The following AOPEP variants were observed in gnomAD, a reference collection of about 807,000 sequenced individuals.
The protein encoded by AOPEP is aminopeptidase O.
AOPEP carries 77 observed loss-of-function variants against 98.1 expected under a neutral mutation model. The ratio of observed to expected loss-of-function variants is 0.78; its 90% CI spans 0.65 to 0.95. The LOEUF (loss-of-function observed/expected upper bound fraction) is 0.95. Among genes scored for constraint, AOPEP ranks in the 40% least tolerant of loss-of-function variants. The pLI, the probability that AOPEP is intolerant of heterozygous loss-of-function variation, is 0.00. For missense variants in AOPEP, 1,024 were observed against 1,024.7 expected (o/e 1.00, Z 0.01); for synonymous variants, 346 against 365.3 (o/e 0.95, Z 0.60).
chr9:94,797,105 G>A (rs1303920628), intron 4 of AOPEP, among the ~76,000 whole-genome samples: 4 of 152,136 alleles, frequency 2.6e-5, no homozygotes, highest in Non-Finnish European at 5.9e-5. Context: ...TCTTTGAGTC[G>A]GTGCTGAATC....
At chr9:95,063,224 AG>A (rs2067487464) in intron 14 of AOPEP, among the ~76,000 whole-genome samples, 1 of 152,240 alleles carries the variant, frequency 6.6e-6, no homozygotes, top group Admixed American at 6.5e-5. Context: ...TATATTTGAC[AG>A]CTAACTCTGG....
chr9:94,747,472 T>G (rs570277771), intron 1 of AOPEP, among the ~76,000 whole-genome samples: 5 of 152,270 alleles, frequency 3.3e-5, no homozygotes, highest in African/African-American at 7.2e-5. Context: ...ACTTGTACAG[T>G]TAGAACATAT....
At chr9:95,087,998 C>G (rs148876344), downstream of AOPEP, among the ~76,000 whole-genome samples, 232 of 152,274 alleles carry the variant, frequency 1.5e-3, 2 homozygotes, top group African/African-American at 5.3e-3. Flanking sequence ...CTCCAGAACT[C>G]TCTTTTCTTG....
chr9:95,117,337 C>A, the AOPEP span: 1 of 1,614,090 alleles, frequency 6.2e-7, no homozygotes, highest in Non-Finnish European at 8.5e-7. Flanking sequence ...GCAGCAGCAC[C>A]ATGGCAAGAG....
intron 5 of AOPEP, among the ~76,000 whole-genome samples, chr9:94,820,224 G>C (rs1852743526): frequency 6.6e-6 from 1 of 152,114 alleles, no homozygotes; most frequent in Admixed American, 6.5e-5. Flanking sequence ...GGGATTACAG[G>C]TGTGAGCCAC....
chr9:94,750,653 A>T (rs558054459), intron 1 of AOPEP, among the ~76,000 whole-genome samples: 1 of 152,218 alleles, frequency 6.6e-6, no homozygotes, highest in African/African-American at 2.4e-5. Flanking sequence ...ATTTATGCTT[A>T]GCGTTCCATT....
rs193213526 is a variant in AOPEP, at chr9:94,912,742, G to A, written c.1365-11244G>A. ...AAGGGATCGTTGTTGCTGGCACAGCGCGTTTCTTCCATGTTAAACACGAAC... is the reference window on the plus strand; with the variant it reads ...AAGGGATCGTTGTTGCTGGCACAGCACGTTTCTTCCATGTTAAACACGAAC... On this transcript the variant is annotated intron_variant, in intron 5 of 16. Transcript: ENST00000375315. Among the ~76,000 whole-genome samples the A allele has an allele frequency of 3.0e-3, 461 of 152,318 alleles. 3 individuals carry two copies. The highest frequency in any genetic ancestry group is 4.0e-3 in the Non-Finnish European group (274 of 68,036).
At chr9:95,080,531 T>TA (rs1180103266) in intron 14 of AOPEP, among the ~76,000 whole-genome samples, 163 bp from the exon 15 acceptor site, 5 of 151,706 alleles carry the variant, frequency 3.3e-5, no homozygotes, top group Admixed American at 6.6e-5. Context: ...AAATAAAAAG[T>TA]AAAAAAAATA....
chr9:94,775,873 C>T (rs1428556988), intron 3 of AOPEP, among the ~76,000 whole-genome samples: 1 of 152,038 alleles, frequency 6.6e-6, no homozygotes, highest in Non-Finnish European at 1.5e-5. Context: ...GTAATCCCAG[C>T]TACTCGGGAG....
chr9:94,803,999 A>C (rs1371158312), intron 5 of AOPEP, among the ~76,000 whole-genome samples: 1 of 152,244 alleles, frequency 6.6e-6, no homozygotes, highest in Non-Finnish European at 1.5e-5. Context: ...TTTAAAATGC[A>C]TCTCTGAAGT....
intron 7 of AOPEP, among the ~76,000 whole-genome samples, chr9:94,949,389 C>T (rs1024875583): frequency 5.9e-5 from 9 of 152,194 alleles, no homozygotes; most frequent in East Asian, 1.9e-4. Context: ...CGACCCGGGA[C>T]GCTGAGACTT....
At chr9:94,752,873 G>T (rs1836152346) in intron 1 of AOPEP, among the ~76,000 whole-genome samples, 1 of 152,146 alleles carries the variant, frequency 6.6e-6, no homozygotes, top group African/African-American at 2.4e-5. Flanking sequence ...TTGAGGCTCG[G>T]TCAGAAAAGG....
intron 2 of AOPEP, among the ~76,000 whole-genome samples, chr9:94,762,584 T>C (rs765532529): frequency 2.0e-5 from 3 of 152,242 alleles, no homozygotes; most frequent in Non-Finnish European, 2.9e-5. Context: ...TTAAACTGTA[T>C]CCTTGGAAGT....
rs575927080 is a variant in AOPEP at position 94,901,805 on chromosome 9, G to A, written c.1365-22181G>A. 5.9e-5 allele frequency among the ~76,000 whole-genome samples: 9 copies of A among 152,120 alleles called. No individual in the cohort carries two copies. The South Asian group carries it at 6.2e-4, about 11-fold the overall frequency. ...AAATACAGAAAATTAGCCGGGCGTCGTGGAGCACATCTGTAATCTTAGCTA... is the reference window on the plus strand; with the variant it reads ...AAATACAGAAAATTAGCCGGGCGTCATGGAGCACATCTGTAATCTTAGCTA... On this transcript the variant is annotated intron_variant, in intron 5 of 16. Transcript: ENST00000375315.
At chr9:94,847,780 G>A (rs2043042048) in intron 5 of AOPEP, among the ~76,000 whole-genome samples, 1 of 152,152 alleles carries the variant, frequency 6.6e-6, no homozygotes, top group Admixed American at 6.6e-5. Flanking sequence ...CCTTCTGTAG[G>A]CACTGTTGAT....
intron 13 of AOPEP, among the ~76,000 whole-genome samples, chr9:95,022,963 G>C (rs2063572974): frequency 6.6e-6 from 1 of 152,038 alleles, no homozygotes; most frequent in South Asian, 2.1e-4. Context: ...CTTTCTCCCC[G>C]CTGTAGTCCG....
intron 13 of AOPEP, among the ~76,000 whole-genome samples, chr9:95,016,798 AG>A (rs939307040): frequency 6.6e-6 from 1 of 150,782 alleles, no homozygotes; most frequent in Non-Finnish European, 1.5e-5. Flanking sequence ...TAAAAGAGAC[AG>A]GGTCTCTATG....
intron 5 of AOPEP, among the ~76,000 whole-genome samples, chr9:94,827,118 CTTCTT>C (rs1053526237): frequency 6.6e-6 from 1 of 152,186 alleles, no homozygotes; most frequent in African/African-American, 2.4e-5. Context: ...AACAGCTTCT[CTTCTT>C]TTCTGTGGCT....
chr9:95,014,244 A>G (rs2133003072), intron 13 of AOPEP, among the ~76,000 whole-genome samples: 1 of 152,188 alleles, frequency 6.6e-6, no homozygotes, highest in Middle Eastern at 3.4e-3. Context: ...GGGTGGATGG[A>G]TGGCTTGAGT....
Sources: allele counts gnomAD v4.1 joint callset (sites outside exome capture counted in the v4.1 genomes callset), GRCh38; gene constraint gnomAD v4.1.1; transcripts MANE v1.5; gene names NCBI Gene and HGNC (gene_info 2026-07-23, HGNC 2026-07-21).